The following ZEB1 variants were observed in gnomAD, a reference collection of about 807,000 sequenced individuals.
ZEB1 encodes the protein zinc finger E-box binding homeobox 1.
ZEB1 carries 21 observed loss-of-function variants against 84.9 expected under a neutral mutation model. The ratio of observed to expected loss-of-function variants is 0.25; its 90% CI spans 0.18 to 0.36. The LOEUF (loss-of-function observed/expected upper bound fraction) is 0.36, where lower values mean the gene tolerates loss of function less well. Ranked by LOEUF, ZEB1 falls within the 10% of genes least tolerant of loss-of-function variation. The pLI, the probability that ZEB1 is intolerant of heterozygous loss-of-function variation, is 1.00. For synonymous variants in ZEB1, 420 were observed against 471.1 expected (o/e 0.89, Z 1.41); for missense variants, 1,104 against 1,330.2 (o/e 0.83, Z 2.65).
At chr10:31,390,716 G>A (rs1450765717) in intron 1 of ZEB1, among the ~76,000 whole-genome samples, 1 of 152,056 alleles carries the variant, frequency 6.6e-6, no homozygotes, top group African/African-American at 2.4e-5. Flanking sequence ...AAAATACAAG[G>A]CTACTGAATG....
At chr10:31,480,402 A>T (rs1270626437) in intron 2 of ZEB1, among the ~76,000 whole-genome samples, 4 of 152,018 alleles carry the variant, frequency 2.6e-5, no homozygotes, top group Non-Finnish European at 5.9e-5. Context: ...TTCATCCTTC[A>T]AGATTCAGTT....
chr10:31,395,626 G>T (rs1200621222), intron 1 of ZEB1, among the ~76,000 whole-genome samples: 3 of 152,170 alleles, frequency 2.0e-5, no homozygotes, highest in Admixed American at 6.5e-5. Flanking sequence ...CCTAGGCAGG[G>T]TGCCACAGGG....
In ZEB1 at chr10:31,520,210, G is replaced by T; in HGVS notation, c.878G>T (p.Cys293Phe). The T allele has an allele frequency of 6.2e-7, 1 of 1,613,960 alleles. No homozygotes were observed. Among genetic ancestry groups the T allele is most frequent in the Non-Finnish European group, 8.5e-7 (1 of 1,179,908 alleles). The change falls in exon 7 of 9, where the codon TGT becomes TTT. Residue 293 changes from cysteine (C) to phenylalanine (F), a missense_variant. Cys to Phe is a radical substitution (Grantham distance 205, BLOSUM62 -2). Transcript: ENST00000424869. This position sits in a 1 kb window ranked among gnomAD's most constrained non-coding sequence, Gnocchi z 5.1. Reference protein sequence around the residue: ...SYSSHISSKKCISLIPVNGRP... With the variant: ...SYSSHISSKKFISLIPVNGRP... ...AGCTCACACATAAGCAGTAAGAAAT[G>T]TATCAGCTTGATACCTGTGAATGGG...
chr10:31,469,255 G>A (rs1052146445), intron 2 of ZEB1, among the ~76,000 whole-genome samples: 1 of 152,182 alleles, frequency 6.6e-6, no homozygotes, highest in African/African-American at 2.4e-5. Context: ...CTCCCAGCGT[G>A]AGCGACGCAG....
chr10:31,526,895 G>A lies in ZEB1; in HGVS notation c.3009G>A (p.Gly1003=), dbSNP rs780672490. 2.8e-5 allele frequency: 45 copies of A among 1,614,054 alleles called. No individual in the cohort carries two copies. The highest frequency in any genetic ancestry group is 3.7e-5 in the Non-Finnish European group (44 of 1,180,050). Residue 1003 remains glycine, a synonymous_variant, in exon 9 of 9, where the codon GGG becomes GGA. Coordinates refer to ENST00000424869, the MANE Select transcript of ZEB1 (RefSeq NM_001174096.2). ...ACAGCACAGAGCAGGAAGAGGCAGG[G>A]CCTGAAATCCTCTCGAATGAGCACG... ...ERDSTEQEEA[G]PEILSNEHVG...
intron 1 of ZEB1, among the ~76,000 whole-genome samples, chr10:31,422,985 C>T (rs535835764): frequency 6.6e-5 from 10 of 151,834 alleles, no homozygotes; most frequent in Non-Finnish European, 8.8e-5. Context: ...TCCATGCTGC[C>T]GCAAAGGACA....
chr10:31,487,719 A>C lies in ZEB1; in HGVS notation c.260-8057A>C, dbSNP rs567245806. Reference sequence around the variant, plus strand: ...TTTTTCTTAATCTTGAGAAGAAAGCATAGTCTTTCTCCTTTAAGTGTAATG... The same window carrying C: ...TTTTTCTTAATCTTGAGAAGAAAGCCTAGTCTTTCTCCTTTAAGTGTAATG... On this transcript the variant is annotated intron_variant, in intron 2 of 8. Coordinates refer to ENST00000424869, the MANE Select transcript of ZEB1 (RefSeq NM_001174096.2). Among the ~76,000 whole-genome samples the C allele has an allele frequency of 2.4e-3, 361 of 151,530 alleles. 2 individuals are homozygous for C. The highest frequency in any genetic ancestry group is 8.4e-3 in the African/African-American group (347 of 41,486).
chr10:31,520,255 A>G lies in ZEB1; in HGVS notation c.923A>G (p.Lys308Arg). 6.2e-7 allele frequency: 1 copy of G among 1,614,006 alleles called. No individual in the cohort carries two copies. The highest frequency in any genetic ancestry group is 8.5e-7 in the Non-Finnish European group (1 of 1,179,914). The change falls in exon 7 of 9, where the codon AAG becomes AGG. Residue 308 changes from lysine to arginine, a missense_variant. This residue lies in a region of ZEB1 where 111 missense variants were observed against 161.8 expected (regional missense o/e 0.69). Transcript: ENST00000424869. This position sits in a 1 kb window ranked among gnomAD's most constrained non-coding sequence, Gnocchi z 5.1. ...PVNGRPRTGL[K>R]TSQCSSPSLS... The stretch of plus-strand genomic sequence containing the variant: ...AATGGGCGACCAAGAACAGGACTCA[A>G]GACATCTCAGTGTTCTTCACCGTCT...
At chr10:31,495,475 C>CATATTCATAA (rs2067088481) in intron 2 of ZEB1, among the ~76,000 whole-genome samples, 1 of 151,972 alleles carries the variant, frequency 6.6e-6, no homozygotes, top group African/African-American at 2.4e-5. Flanking sequence ...CTTTACTTTT[C>CATATTCATAA]AAGGACACAT....
chr10:31,327,804 C>A (rs1267827375), intron 1 of ZEB1, among the ~76,000 whole-genome samples: 1 of 152,168 alleles, frequency 6.6e-6, no homozygotes, highest in Non-Finnish European at 1.5e-5. Context: ...CACGTTTTTG[C>A]CAGCCTTCGG....
chr10:31,350,986 A>C (rs1425477973), intron 1 of ZEB1, among the ~76,000 whole-genome samples: 1 of 152,182 alleles, frequency 6.6e-6, no homozygotes, highest in Non-Finnish European at 1.5e-5. Context: ...ATGGCACAAA[A>C]GCAGCTTTTT....
At chr10:31,350,284 G>A (rs2041093225) in intron 1 of ZEB1, among the ~76,000 whole-genome samples, 2 of 152,082 alleles carry the variant, frequency 1.3e-5, no homozygotes, top group Non-Finnish European at 2.9e-5. Flanking sequence ...TTTATGATGA[G>A]AAAGGTGGCA....
chr10:31,502,521 T>G lies in ZEB1; in HGVS notation c.484+12T>G, dbSNP rs1591920557. 3 of 1,613,720 alleles carry G rather than the reference T, an allele frequency of 1.9e-6. No homozygotes were observed. In the East Asian group the frequency reaches 6.7e-5, roughly 36 times the overall value. ...TCATGATGAAAATGGTAAATGGATC[T>G]TAACAGTTGTGTTTCTTTCCCTCTT... On this transcript the variant is annotated intron_variant, in intron 4 of 8. Coordinates refer to ENST00000424869, the MANE Select transcript of ZEB1 (RefSeq NM_001174096.2).
intron 1 of ZEB1, among the ~76,000 whole-genome samples, chr10:31,428,120 G>C (rs760258013): frequency 1.3e-5 from 2 of 151,966 alleles, no homozygotes; most frequent in Non-Finnish European, 2.9e-5. Flanking sequence ...TTTGGGATTT[G>C]TGTGCTCTTG....
At chr10:31,360,934 G>A in intron 1 of ZEB1, 19 of 1,581,674 alleles carry the variant, frequency 1.2e-5, no homozygotes, top group Non-Finnish European at 1.5e-5. Flanking sequence ...TAAATTGCAT[G>A]TCTGGAGGAA....
intron 1 of ZEB1, among the ~76,000 whole-genome samples, chr10:31,441,639 A>C (rs2059002417): frequency 6.6e-6 from 1 of 151,936 alleles, no homozygotes; most frequent in African/African-American, 2.4e-5. Flanking sequence ...AATGGGAAAA[A>C]ATTTTTGCAA....
At chr10:31,339,579 C>A (rs867427325) in intron 1 of ZEB1, among the ~76,000 whole-genome samples, 3 of 152,050 alleles carry the variant, frequency 2.0e-5, no homozygotes, top group African/African-American at 7.2e-5. Context: ...ACCAGCCTGA[C>A]CAATGTGGTG....
At chr10:31,490,716 CTT>C (rs1419910848) in intron 2 of ZEB1, among the ~76,000 whole-genome samples, 6 of 151,588 alleles carry the variant, frequency 4.0e-5, no homozygotes, top group Non-Finnish European at 7.4e-5. Flanking sequence ...TGACTTGAGA[CTT>C]TTTCTGATTC....
At chr10:31,332,563 A>C (rs1160908963) in intron 1 of ZEB1, among the ~76,000 whole-genome samples, 1 of 152,228 alleles carries the variant, frequency 6.6e-6, no homozygotes, top group Non-Finnish European at 1.5e-5. Flanking sequence ...ATATTTAATA[A>C]ATAAAATAAA....
Sources: gnomAD v4.1 joint callset for allele counts (sites outside exome capture counted in the v4.1 genomes callset) on GRCh38, gnomAD v4.1.1 for gene constraint, gnomAD v4.1.1 regional missense constraint, Gnocchi (gnomAD v3.1) non-coding constraint, MANE v1.5 for transcripts, NCBI Gene and HGNC (gene_info 2026-07-23, HGNC 2026-07-21) for gene names.